Variants in ARHGAP1 observed in about 807,000 individuals in gnomAD.
ARHGAP1 encodes the protein Rho GTPase activating protein 1, also known as rho GTPase-activating protein 1.
Under a neutral mutation model 52.2 loss-of-function variants are expected in ARHGAP1, and 23 were observed. The observed-to-expected ratio is 0.44, with a 90% CI of 0.32 to 0.62. The LOEUF (loss-of-function observed/expected upper bound fraction) is 0.62, where lower values mean the gene tolerates loss of function less well. ARHGAP1 is among the 20% of genes least tolerant of loss of function. The pLI is 0.05. For synonymous variants in ARHGAP1, 210 were observed against 228.4 expected (o/e 0.92, Z 0.73); for missense variants, 480 against 560.9 (o/e 0.86, Z 1.46).
At position 46,681,995 on chromosome 11, in the gene ARHGAP1, G is replaced by C; in HGVS notation, c.449+56C>G. On this transcript the variant is annotated intron_variant, in intron 5 of 12. Transcript: ENST00000311956. The surrounding 1 kb of genome is among the most constrained non-coding windows in gnomAD (Gnocchi z 5.7). Reference sequence around the variant, plus strand: ...TGCCCAAGTGGAGGGCAGCCCGGAAGCTGGCAGAGCCGCTGCCTCTGGATC... The same window carrying C: ...TGCCCAAGTGGAGGGCAGCCCGGAACCTGGCAGAGCCGCTGCCTCTGGATC... 3.1e-6 allele frequency: 5 copies of C among 1,606,870 alleles called. No homozygotes were observed. The highest frequency in any genetic ancestry group is 4.3e-6 in the Non-Finnish European group (5 of 1,175,844).
intron 4 of ARHGAP1, among the ~76,000 whole-genome samples, chr11:46,682,826 A>G (rs543698769): frequency 1.3e-5 from 2 of 152,352 alleles, no homozygotes; most frequent in South Asian, 2.1e-4. Flanking sequence ...CTCTGAATCA[A>G]TAATAATGAT....
At chr11:46,685,329 CTT>C (rs56789699) in intron 4 of ARHGAP1, among the ~76,000 whole-genome samples, 20 of 135,636 alleles carry the variant, frequency 1.5e-4, no homozygotes, top group African/African-American at 1.6e-4. Context: ...CATGTATATT[CTT>C]TTTTTTTTTT....
rs779980930 is a variant in ARHGAP1, at chr11:46,680,631, C to T, written c.743+9G>A. ...GCCCCGCCGTGGCCCAGCCACCTTTCATACTTACTGCTGCAGCGAGACTCC... is the reference window on the plus strand; with the variant it reads ...GCCCCGCCGTGGCCCAGCCACCTTTTATACTTACTGCTGCAGCGAGACTCC... On this transcript the variant is annotated intron_variant, in intron 8 of 12. Transcript: ENST00000311956. The surrounding 1 kb of genome is among the most constrained non-coding windows in gnomAD (Gnocchi z 5.9). The T allele has an allele frequency of 6.2e-7, 1 of 1,613,674 alleles. No homozygotes were observed. Among genetic ancestry groups the T allele is most frequent in the Non-Finnish European group, 8.5e-7 (1 of 1,179,740 alleles).
Position 46,681,994 on chromosome 11 carries a change from A to G in ARHGAP1, c.449+57T>C. On this transcript the variant is annotated intron_variant, in intron 5 of 12. Transcript: ENST00000311956. This position sits in a 1 kb window ranked among gnomAD's most constrained non-coding sequence, Gnocchi z 5.7. ...CTGCCCAAGTGGAGGGCAGCCCGGA[A>G]GCTGGCAGAGCCGCTGCCTCTGGAT... 1.2e-6 allele frequency: 2 copies of G among 1,606,790 alleles called. No homozygotes were observed. The highest frequency in any genetic ancestry group is 1.7e-6 in the Non-Finnish European group (2 of 1,175,748).
intron 4 of ARHGAP1, chr11:46,687,517 C>G (rs1042540517): frequency 1.3e-5 from 2 of 152,258 alleles, no homozygotes; most frequent in South Asian, 4.1e-4. Context: ...TAAAATTTGC[C>G]GAGAAAACAG....
At chr11:46,697,179 C>T (rs996721893) in intron 1 of ARHGAP1, 2 of 152,644 alleles carry the variant, frequency 1.3e-5, no homozygotes, top group African/African-American at 2.4e-5. Context: ...AAGGCAGACT[C>T]GACCACCAAG....
intron 3 of ARHGAP1, chr11:46,695,418 G>T: frequency 3.4e-6 from 2 of 584,206 alleles, no homozygotes. Context: ...TCTGGGCTAG[G>T]CCCTGACATG....
chr11:46,695,975 C>G lies in ARHGAP1; in HGVS notation c.133G>C (p.Asp45His), dbSNP rs1171001083. ...TGCCTGAGACCAGACACAAGCCCAC[C>G]TGACTTGGGGAAGTCAGGCATTTCA... ...SDEMPDFPKS[D>H]DSKSSSPELV... is the part of the protein sequence containing the mutation. The change falls in exon 2 of 13, where the codon GAT (aspartate) becomes CAT (histidine). Residue 45 changes from aspartate (D) to histidine (H), a missense_variant and splice_region_variant. By Grantham distance (81) the Asp-to-His change is moderately conservative (BLOSUM62 -1). Coordinates refer to ENST00000311956, the MANE Select transcript of ARHGAP1 (RefSeq NM_004308.5). 1 of 1,614,104 alleles carries G rather than the reference C, an allele frequency of 6.2e-7. No homozygotes were observed. Among genetic ancestry groups the G allele is most frequent in the Non-Finnish European group, 8.5e-7 (1 of 1,180,046 alleles).
chr11:46,694,311 C>T (rs934263941), intron 3 of ARHGAP1, among the ~76,000 whole-genome samples: 1 of 152,074 alleles, frequency 6.6e-6, no homozygotes, highest in Non-Finnish European at 1.5e-5. Flanking sequence ...ACTCCCAGCT[C>T]CCCAGGGTGA....
chr11:46,691,786 C>T (rs565751752), intron 3 of ARHGAP1, among the ~76,000 whole-genome samples: 20 of 152,182 alleles, frequency 1.3e-4, no homozygotes, highest in African/African-American at 4.8e-4. Flanking sequence ...CAGGGTTTCA[C>T]CATGTTAGCC....
rs143757053 is a variant in ARHGAP1, at chr11:46,679,113, G to A, written c.1244C>T (p.Pro415Leu). The A allele has an allele frequency of 6.2e-6, 10 of 1,614,068 alleles. No homozygotes were observed. The African/African-American group carries it at 1.3e-4, about 22-fold the overall frequency. ...DAAITLKAIN[P>L]INTFTKFLLD... The stretch of plus-strand genomic sequence containing the variant: ...AAGGAACTTGGTGAAGGTGTTGATG[G>A]GATTAATGGCCTTGAGGGTGATGGC... The change falls in exon 13 of 13, where the codon CCC becomes CTC. Residue 415 changes from proline (P) to leucine (L), a missense_variant. Coordinates refer to ENST00000311956, the MANE Select transcript of ARHGAP1 (RefSeq NM_004308.5). This position sits in a 1 kb window ranked among gnomAD's most constrained non-coding sequence, Gnocchi z 4.4.
Position 46,679,733 on chromosome 11 carries a change from T to G in ARHGAP1, c.942A>C (p.Pro314=), listed in dbSNP as rs772498411. Residue 314 remains proline, a synonymous_variant, in exon 11 of 13, where the codon CCA becomes CCC. Coordinates refer to ENST00000311956, the MANE Select transcript of ARHGAP1 (RefSeq NM_004308.5). This position sits in a 1 kb window ranked among gnomAD's most constrained non-coding sequence, Gnocchi z 4.4. ...DFDQYNELHL[P]AVILKTFLRE... ...GGAGGAAGGTCTTGAGGATGACTGC[T>G]GGCAGGTGCAGCTCATTGTACTGGT... The G allele has an allele frequency of 1.2e-6, 2 of 1,614,010 alleles. No individual in the cohort carries two copies. The highest frequency in any genetic ancestry group is 1.1e-5 in the South Asian group (1 of 91,090).
chr11:46,681,348 C>G lies in ARHGAP1; in HGVS notation c.481G>C (p.Val161Leu). Residue 161 changes from valine to leucine, a missense_variant, in exon 6 of 13, where the codon GTG becomes CTG. Physicochemically the swap from Val to Leu is conservative, Grantham distance 32. Transcript: ENST00000311956. The surrounding 1 kb of genome is among the most constrained non-coding windows in gnomAD (Gnocchi z 5.7). Reference protein sequence around the residue: ...YKKNIKALYIVHPTMFIKTLL... With the variant: ...YKKNIKALYILHPTMFIKTLL... ...GTTTTGATGAACATGGTTGGATGCACGATGTACAAGGCCTTGATGTTTTTC... is the reference window on the plus strand; with the variant it reads ...GTTTTGATGAACATGGTTGGATGCAGGATGTACAAGGCCTTGATGTTTTTC... 1 of 1,613,542 alleles carries G rather than the reference C, an allele frequency of 6.2e-7. No individual in the cohort carries two copies. The highest frequency in any genetic ancestry group is 8.5e-7 in the Non-Finnish European group (1 of 1,179,518).
At chr11:46,688,624 G>A (rs974308644) in intron 3 of ARHGAP1, among the ~76,000 whole-genome samples, 3 of 151,970 alleles carry the variant, frequency 2.0e-5, no homozygotes, top group Admixed American at 2.0e-4. Context: ...CAGGACTATA[G>A]GTGAGCACCA....
At chr11:46,687,939 A>T in intron 4 of ARHGAP1, 1 of 512,162 alleles carries the variant, frequency 2.0e-6, no homozygotes, top group Non-Finnish European at 3.5e-6. Flanking sequence ...AGGTGAGGAA[A>T]GCGAGGCTTA....
In ARHGAP1 at chr11:46,677,185, G is replaced by C. The variant is rs564131428; in HGVS notation, c.*1852C>G. 1 of 152,664 alleles carries C rather than the reference G, an allele frequency of 6.6e-6. No individual in the cohort carries two copies. The highest frequency in any genetic ancestry group is 1.5e-5 in the Non-Finnish European group (1 of 68,072). The allele number at this position is 152,664 out of a possible 1,614,324, so 9.5% of individuals were successfully genotyped here. A position where few individuals can be genotyped will look rare whatever the true frequency, so the allele number is the denominator to read the frequency against. ...TGAATGTGAACACTGGATTCACACA[G>C]TACAAGCACCCGCTCCCTGGGGTAC... is the stretch of plus-strand genomic sequence containing the variant. On this transcript the variant is annotated 3_prime_UTR_variant, in exon 13 of 13. Transcript: ENST00000311956.
chr11:46,679,315 G>C lies in ARHGAP1; in HGVS notation c.1131+50C>G. 1 of 1,604,322 alleles carries C rather than the reference G, an allele frequency of 6.2e-7. No individual in the cohort carries two copies. Among genetic ancestry groups the C allele is most frequent in the Non-Finnish European group, 8.5e-7 (1 of 1,172,488 alleles). ...TGACCAGGGCGCAGAGGAGGCGGCA[G>C]CTCCTCCTTCCCCCTCCCTTCACCC... On this transcript the variant is annotated intron_variant, in intron 12 of 12. Transcript: ENST00000311956. The surrounding 1 kb of genome is among the most constrained non-coding windows in gnomAD (Gnocchi z 4.4).
At chr11:46,684,146 G>A (rs1353567264) in intron 4 of ARHGAP1, among the ~76,000 whole-genome samples, 1 of 152,198 alleles carries the variant, frequency 6.6e-6, no homozygotes, top group Non-Finnish European at 1.5e-5. Context: ...GGCCAGCACA[G>A]GCAGGCATGG....
chr11:46,696,208 C>G lies in ARHGAP1; in HGVS notation c.-49-52G>C. 7.5e-7 allele frequency: 1 copy of G among 1,331,532 alleles called. No individual in the cohort carries two copies. Among genetic ancestry groups the G allele is most frequent in the Non-Finnish European group, 1.0e-6 (1 of 981,640 alleles). 82.5% of individuals were successfully genotyped at this position (1,331,532 alleles called of 1,614,324 possible). ...GTCAGTGACCTGCTCTTTTCACCTT[C>G]TGCGACCTCCACCGCGTGCCCTCCT... On this transcript the variant is annotated intron_variant, in intron 1 of 12. Transcript: ENST00000311956. The surrounding 1 kb of genome is among the most constrained non-coding windows in gnomAD (Gnocchi z 4.8).
Sources: gnomAD v4.1 joint callset for allele counts (sites outside exome capture counted in the v4.1 genomes callset) on GRCh38, gnomAD v4.1.1 for gene constraint, Gnocchi (gnomAD v3.1) non-coding constraint, MANE v1.5 for transcripts, NCBI Gene and HGNC (gene_info 2026-07-23, HGNC 2026-07-21) for gene names.